Variants in TENM3 observed in about 807,000 individuals in gnomAD.
TENM3 encodes the protein teneurin transmembrane protein 3.
A neutral mutation model predicts 255.1 loss-of-function variants in TENM3; 63 were observed. That is an observed-to-expected ratio of 0.25 (90% CI 0.20 to 0.30). The LOEUF (loss-of-function observed/expected upper bound fraction) is 0.30. Ranked by LOEUF, TENM3 falls within the 10% of genes least tolerant of loss-of-function variation. The pLI, the probability that TENM3 is intolerant of heterozygous loss-of-function variation, is 1.00. For synonymous variants in TENM3, 1,306 were observed against 1,322.3 expected, an observed-to-expected ratio of 0.99 and a Z score of 0.27; for missense variants, 2,929 against 3,461.1, an observed-to-expected ratio of 0.85 and a Z score of 3.86.
At chr4:181,893,496 C>G in the TENM3 span, among the ~76,000 whole-genome samples, 4 of 103,200 alleles carry the variant, frequency 3.9e-5, no homozygotes, top group East Asian at 7.1e-4. Context: ...TGCCCACCCC[C>G]CCCCCACCCC....
intron 5 of TENM3, 82 bp from the exon 6 acceptor site, chr4:182,653,689 C>G: frequency 7.0e-7 from 1 of 1,429,986 alleles, no homozygotes; most frequent in Non-Finnish European, 9.4e-7. Flanking sequence ...TTACATATGA[C>G]TCTTGTTTTA....
chr4:182,042,638 G>A, the TENM3 span, among the ~76,000 whole-genome samples: 2 of 152,102 alleles, frequency 1.3e-5, no homozygotes, highest in African/African-American at 4.8e-5. Context: ...TATAAAATAC[G>A]AATATGTAGG....
intron 3 of TENM3, among the ~76,000 whole-genome samples, chr4:182,454,173 A>G (rs1308646102): frequency 6.6e-6 from 1 of 152,104 alleles, no homozygotes; most frequent in African/African-American, 2.4e-5. Context: ...GAGGTGGAAA[A>G]AGCCATTTGG....
intron 24 of TENM3, among the ~76,000 whole-genome samples, chr4:182,783,079 T>C (rs1765312650): frequency 6.7e-6 from 1 of 150,290 alleles, no homozygotes; most frequent in Non-Finnish European, 1.5e-5. Flanking sequence ...TTGTTATGTG[T>C]GAATTTGATC....
chr4:182,072,990 A>G, the TENM3 span, among the ~76,000 whole-genome samples: 5 of 152,324 alleles, frequency 3.3e-5, no homozygotes, highest in African/African-American at 9.6e-5. Context: ...AAGAAGAGAC[A>G]CCAGAGGCCC....
the TENM3 span, among the ~76,000 whole-genome samples, chr4:181,959,973 AT>A: frequency 6.6e-6 from 1 of 152,220 alleles, no homozygotes; most frequent in African/African-American, 2.4e-5. Context: ...GCAAAAGCAA[AT>A]GACAAATGTC....
the TENM3 span, chr4:181,976,405 C>T: frequency 2.6e-5 from 4 of 152,186 alleles, no homozygotes; most frequent in African/African-American, 7.2e-5. Flanking sequence ...GGGCATGGGC[C>T]GCCATGCCCA....
chr4:181,476,732 A>G, the TENM3 span, among the ~76,000 whole-genome samples: 6 of 152,324 alleles, frequency 3.9e-5, no homozygotes, highest in South Asian at 4.1e-4. Context: ...TACGTTTCCA[A>G]TGAGCTGGTG....
chr4:182,647,131 G>T (rs1752824573), intron 5 of TENM3, among the ~76,000 whole-genome samples: 1 of 152,126 alleles, frequency 6.6e-6, no homozygotes, highest in Admixed American at 6.5e-5. Flanking sequence ...TACCGTCTGG[G>T]TTAAGTTTCC....
chr4:181,791,585 A>C, the TENM3 span, among the ~76,000 whole-genome samples: 2 of 152,316 alleles, frequency 1.3e-5, no homozygotes, highest in East Asian at 3.9e-4. Flanking sequence ...GCCTACTCTT[A>C]ACCCCAGATT....
chr4:182,512,120 T>C (rs542460946), intron 3 of TENM3, among the ~76,000 whole-genome samples: 1 of 152,302 alleles, frequency 6.6e-6, no homozygotes, highest in Admixed American at 6.5e-5. Context: ...GACTATTTCA[T>C]ATTACCAGAA....
At chr4:181,672,959 G>T in the TENM3 span, among the ~76,000 whole-genome samples, 1 of 152,244 alleles carries the variant, frequency 6.6e-6, no homozygotes, top group East Asian at 1.9e-4. Flanking sequence ...TGTATTTGCT[G>T]TGTCAGCCTA....
chr4:181,800,066 C>G, the TENM3 span, among the ~76,000 whole-genome samples: 1 of 152,036 alleles, frequency 6.6e-6, no homozygotes, highest in South Asian at 2.1e-4. Flanking sequence ...CAAAAAAGAG[C>G]CAGAAATTAA....
chr4:182,716,106 C>T (rs1468825583), intron 13 of TENM3, among the ~76,000 whole-genome samples: 3 of 152,118 alleles, frequency 2.0e-5, no homozygotes, highest in African/African-American at 4.8e-5. Flanking sequence ...CTCCTCTCTT[C>T]GTTACTTTCC....
intron 3 of TENM3, among the ~76,000 whole-genome samples, chr4:182,583,345 G>GTA (rs1315502977): frequency 1.3e-4 from 20 of 149,806 alleles, no homozygotes; most frequent in African/African-American, 4.9e-4. Context: ...GTGTGTGTGT[G>GTA]TGTGTGTGTG....
the TENM3 span, among the ~76,000 whole-genome samples, chr4:182,037,562 A>G: frequency 6.6e-6 from 1 of 152,244 alleles, no homozygotes; most frequent in Non-Finnish European, 1.5e-5. Context: ...TCAGCAGAAT[A>G]AAGTTTAATC....
At chr4:182,245,554 G>C (rs1757580641) in intron 1 of TENM3, among the ~76,000 whole-genome samples, 1 of 152,078 alleles carries the variant, frequency 6.6e-6, no homozygotes, top group Non-Finnish European at 1.5e-5. Flanking sequence ...GCCCAGTTTG[G>C]GTCTCTGTTT....
chr4:181,816,636 C>T, the TENM3 span, among the ~76,000 whole-genome samples: 1 of 152,266 alleles, frequency 6.6e-6, no homozygotes, highest in Non-Finnish European at 1.5e-5. Flanking sequence ...TTATCTTCCC[C>T]CATCAACTGG....
chr4:181,567,169 A>G, the TENM3 span, among the ~76,000 whole-genome samples: 30,014 of 152,192 alleles, frequency 0.2, 3,160 homozygotes, highest in Non-Finnish European at 0.24. Flanking sequence ...GCCTGTGGGC[A>G]AAGTGGAGCA....
Sources: allele counts gnomAD v4.1 joint callset (sites outside exome capture counted in the v4.1 genomes callset), GRCh38; gene constraint gnomAD v4.1.1; transcripts MANE v1.5; gene names NCBI Gene and HGNC (gene_info 2026-07-23, HGNC 2026-07-21).